FAF1: variants seen among roughly 807,000 people sequenced by gnomAD.
FAF1 encodes FAS-associated factor 1.
A neutral mutation model predicts 92.5 loss-of-function variants in FAF1; 25 were observed. The ratio of observed to expected loss-of-function variants is 0.27; its 90% CI spans 0.20 to 0.38. The LOEUF (loss-of-function observed/expected upper bound fraction) is 0.38. Among genes scored for constraint, FAF1 ranks in the 10% least tolerant of loss-of-function variants. The pLI, the probability that FAF1 is intolerant of heterozygous loss-of-function variation, is 1.00. For synonymous variants in FAF1, 234 were observed against 273.2 expected (o/e 0.86, Z 1.42); for missense variants, 636 against 793.3 (o/e 0.80, Z 2.38).
At chr1:50,708,351 G>A (rs1435069062) in intron 6 of FAF1, among the ~76,000 whole-genome samples, 3 of 152,132 alleles carry the variant, frequency 2.0e-5, no homozygotes, top group Admixed American at 2.0e-4. Context: ...GATGGAGTGT[G>A]AGAGAAAAAC....
chr1:50,601,733 T>TAC (rs59582352), intron 8 of FAF1, among the ~76,000 whole-genome samples: 30,941 of 151,076 alleles, frequency 0.2, 3,898 homozygotes, highest in African/African-American at 0.36. Context: ...TATATTCATA[T>TAC]ACACACATAT....
chr1:50,616,345 T>G lies in FAF1; in HGVS notation c.745-20129A>C, dbSNP rs935481557. Among the ~76,000 whole-genome samples the G allele has an allele frequency of 3.9e-5, 6 of 152,338 alleles. No individual in the cohort carries two copies. The East Asian group carries it at 1.2e-3, about 29-fold the overall frequency. ...GCTCTTTCTAGGTTCCATATTAATT[T>G]TAGAATTTTTGTTTCTAGTTTAGTG... On this transcript the variant is annotated intron_variant, in intron 8 of 18. Transcript: ENST00000396153.
intron 1 of FAF1, among the ~76,000 whole-genome samples, chr1:50,869,253 T>C (rs1052864370): frequency 1.3e-5 from 2 of 152,300 alleles, no homozygotes; most frequent in Admixed American, 6.5e-5. Flanking sequence ...GGCTTTACTT[T>C]TATAGTACAT....
chr1:50,491,916 G>C, intron 15 of FAF1, 115 bp from the exon 16 acceptor site: 1 of 727,944 alleles, frequency 1.4e-6, no homozygotes, highest in Non-Finnish European at 2.3e-6. Flanking sequence ...AATTAAATAA[G>C]AGACTTTTAA....
intron 2 of FAF1, among the ~76,000 whole-genome samples, chr1:50,840,556 TAC>T (rs1265367927): frequency 1.3e-5 from 2 of 152,070 alleles, no homozygotes; most frequent in Non-Finnish European, 2.9e-5. Flanking sequence ...AGGTATTAAA[TAC>T]ACAGACATAT....
At chr1:50,742,687 T>G (rs1383680120) in intron 5 of FAF1, among the ~76,000 whole-genome samples, 1 of 152,230 alleles carries the variant, frequency 6.6e-6, no homozygotes, top group Admixed American at 6.5e-5. Context: ...CCCAGCTGAC[T>G]GATTCATACC....
intron 13 of FAF1, among the ~76,000 whole-genome samples, chr1:50,562,857 T>G (rs1051416011): frequency 4.6e-5 from 7 of 152,258 alleles, no homozygotes; most frequent in Admixed American, 2.6e-4. Context: ...CTGTGGGTTC[T>G]GCATCTGTGG....
At chr1:50,594,407 T>C (rs1285320477) in intron 9 of FAF1, among the ~76,000 whole-genome samples, 1 of 152,152 alleles carries the variant, frequency 6.6e-6, no homozygotes, top group Non-Finnish European at 1.5e-5. Flanking sequence ...GTCTTGGTGA[T>C]GACTTTTCCT....
chr1:50,782,026 A>T (rs1178317876), intron 4 of FAF1, among the ~76,000 whole-genome samples: 1 of 152,206 alleles, frequency 6.6e-6, no homozygotes, highest in Non-Finnish European at 1.5e-5. Context: ...TGATGCTGGT[A>T]TAAACAAACC....
At chr1:50,813,263 A>AT (rs1169043806) in intron 2 of FAF1, among the ~76,000 whole-genome samples, 4 of 152,308 alleles carry the variant, frequency 2.6e-5, no homozygotes, top group African/African-American at 9.6e-5. Flanking sequence ...AAAAAATTTC[A>AT]TTTTTTAAAT....
At chr1:50,806,340 A>C (rs1229575160) in intron 2 of FAF1, among the ~76,000 whole-genome samples, 1 of 152,198 alleles carries the variant, frequency 6.6e-6, no homozygotes, top group Non-Finnish European at 1.5e-5. Context: ...CCAATGGTTA[A>C]ATTAAATCAG....
chr1:50,676,877 T>C (rs571764775), intron 7 of FAF1, among the ~76,000 whole-genome samples: 1 of 152,120 alleles, frequency 6.6e-6, no homozygotes, highest in South Asian at 2.1e-4. Context: ...CATTAACACT[T>C]GAGATATAGG....
intron 2 of FAF1, among the ~76,000 whole-genome samples, chr1:50,828,120 G>T (rs1411138248): frequency 2.6e-5 from 4 of 152,086 alleles, no homozygotes; most frequent in African/African-American, 9.7e-5. Flanking sequence ...ATAAAACAGG[G>T]TAGTACTGAA....
intron 8 of FAF1, among the ~76,000 whole-genome samples, chr1:50,613,120 G>C (rs1393964331): frequency 6.6e-6 from 1 of 152,136 alleles, no homozygotes. Context: ...TGAAAGACTT[G>C]TAATTTTCTA....
chr1:50,914,626 C>T (rs182192655), intron 1 of FAF1, among the ~76,000 whole-genome samples: 44 of 152,246 alleles, frequency 2.9e-4, no homozygotes, highest in African/African-American at 8.4e-4. Context: ...TCAATCACTG[C>T]GCATTTAATT....
At chr1:50,876,064 G>A (rs533513713) in intron 1 of FAF1, among the ~76,000 whole-genome samples, 6 of 152,306 alleles carry the variant, frequency 3.9e-5, no homozygotes, top group Middle Eastern at 6.8e-3. Flanking sequence ...TAGGATATGT[G>A]CTATAATAGT....
chr1:50,722,059 A>T (rs575298444), intron 6 of FAF1, among the ~76,000 whole-genome samples: 1 of 152,366 alleles, frequency 6.6e-6, no homozygotes, highest in Non-Finnish European at 1.5e-5. Context: ...TTAAAAAGTT[A>T]AAAACCTACT....
intron 15 of FAF1, 88 bp downstream of exon 15, chr1:50,535,281 T>A: frequency 1.2e-6 from 1 of 844,538 alleles, no homozygotes; most frequent in Non-Finnish European, 1.9e-6. Flanking sequence ...TATTTATCGA[T>A]CATATCATAG....
intron 9 of FAF1, among the ~76,000 whole-genome samples, chr1:50,594,806 G>A (rs998265168): frequency 6.6e-6 from 1 of 150,618 alleles, no homozygotes; most frequent in Non-Finnish European, 1.5e-5. Context: ...GGGAGGTGGA[G>A]GTTGCAGTGA....
Sources: gnomAD v4.1 joint callset for allele counts (sites outside exome capture counted in the v4.1 genomes callset) on GRCh38, gnomAD v4.1.1 for gene constraint, MANE v1.5 for transcripts, NCBI Gene and HGNC (gene_info 2026-07-23, HGNC 2026-07-21) for gene names.